Variants in NCOA6 observed in about 807,000 individuals in gnomAD.
NCOA6 encodes NRC RAP250.
NCOA6 carries 49 observed loss-of-function variants against 171.4 expected under a neutral mutation model. That is an observed-to-expected ratio of 0.29 (90% CI 0.23 to 0.36). The LOEUF (loss-of-function observed/expected upper bound fraction) is 0.36, where lower values mean the gene tolerates loss of function less well. Among genes scored for constraint, NCOA6 ranks in the 10% least tolerant of loss-of-function variants. The pLI, the probability that NCOA6 is intolerant of heterozygous loss-of-function variation, is 1.00. For synonymous variants in NCOA6, 910 were observed against 927.5 expected (o/e 0.98, Z 0.34); for missense variants, 2,248 against 2,554.5 (o/e 0.88, Z 2.59).
At chr20:34,746,274 C>A (rs2076299448) in intron 10 of NCOA6, among the ~76,000 whole-genome samples, 1 of 142,920 alleles carries the variant, frequency 7.0e-6, no homozygotes, top group East Asian at 2.0e-4. Context: ...TTTTTTGAGA[C>A]AGGGTCCCAG....
chr20:34,817,107 A>C (rs1398612036), intron 1 of NCOA6, among the ~76,000 whole-genome samples: 1 of 133,570 alleles, frequency 7.5e-6, no homozygotes, highest in Non-Finnish European at 1.7e-5. Flanking sequence ...TGGGCAACAG[A>C]GTGAGACTCC....
intron 1 of NCOA6, among the ~76,000 whole-genome samples, chr20:34,806,976 C>A (rs2078472052): frequency 6.6e-6 from 1 of 152,170 alleles, no homozygotes; most frequent in Admixed American, 6.5e-5. Context: ...ACCAATTACT[C>A]CAGCCTCCTG....
chr20:34,742,134 T>G lies in NCOA6; in HGVS notation c.4122A>C (p.Val1374=), dbSNP rs768128847. 1.2e-5 allele frequency: 19 copies of G among 1,614,058 alleles called. No individual in the cohort carries two copies. Among genetic ancestry groups the G allele is most frequent in the East Asian group, 2.2e-5 (1 of 44,900 alleles). Residue 1374 remains valine (V), a synonymous_variant, in exon 11 of 15, where the codon GTA becomes GTC. Coordinates refer to ENST00000359003, the MANE Select transcript of NCOA6 (RefSeq NM_014071.5). ...LLQNVELPRN[V]LVSPTPLANP... Reference sequence around the variant, plus strand: ...TGGCCAGAGGAGTGGGACTGACCAATACATTTCTCGGCAACTCCACATTCT... The same window carrying G: ...TGGCCAGAGGAGTGGGACTGACCAAGACATTTCTCGGCAACTCCACATTCT...
chr20:34,823,186 C>T (rs937175168), intron 1 of NCOA6, among the ~76,000 whole-genome samples: 2 of 152,004 alleles, frequency 1.3e-5, no homozygotes, highest in African/African-American at 2.4e-5. Context: ...TGAAAGGGGT[C>T]CATGGCACAG....
At chr20:34,791,147 G>A (rs1326792261) in intron 2 of NCOA6, among the ~76,000 whole-genome samples, 2 of 152,156 alleles carry the variant, frequency 1.3e-5, no homozygotes, top group African/African-American at 4.8e-5. Flanking sequence ...AAATGCCACT[G>A]AACTGTTCAC....
chr20:34,727,091 C>G (rs1009026377), intron 14 of NCOA6, among the ~76,000 whole-genome samples, 168 bp downstream of exon 14: 6 of 152,206 alleles, frequency 3.9e-5, no homozygotes, highest in African/African-American at 1.4e-4. Context: ...AGAAAACATA[C>G]AGTTAAATGA....
In NCOA6 at chr20:34,741,826, T is replaced by C. The variant is rs752081379; in HGVS notation, c.4430A>G (p.Lys1477Arg). The C allele has an allele frequency of 1.9e-6, 3 of 1,614,202 alleles. No homozygotes were observed. The highest frequency in any genetic ancestry group is 2.5e-6 in the Non-Finnish European group (3 of 1,180,034). Residue 1477 changes from lysine to arginine, a missense_variant, in exon 11 of 15, where the codon AAA becomes AGA. Transcript: ENST00000359003. ...PNKLPSVEEN[K>R]NLVSPAMREA... ...CCTCATAGCAGGAGACACCAAATTT[T>C]TGTTCTCTTCGACACTGGGAAGTTT...
intron 14 of NCOA6, among the ~76,000 whole-genome samples, chr20:34,718,444 TACC>T (rs1988871603): frequency 6.6e-6 from 1 of 152,208 alleles, no homozygotes. Context: ...TCCAAAATGT[TACC>T]ACTTTTACTA....
At chr20:34,773,056 G>A (rs910656100) in intron 4 of NCOA6, among the ~76,000 whole-genome samples, 4 of 152,100 alleles carry the variant, frequency 2.6e-5, no homozygotes, top group Non-Finnish European at 4.4e-5. Context: ...CACAAACTAC[G>A]TCCTGTGGGC....
chr20:34,722,836 CA>C (rs1228070209), intron 14 of NCOA6, among the ~76,000 whole-genome samples: 1 of 151,466 alleles, frequency 6.6e-6, no homozygotes, highest in Non-Finnish European at 1.5e-5. Context: ...AAAAAATACA[CA>C]CACACCCACA....
At chr20:34,754,900 C>G (rs757255866) in intron 7 of NCOA6, 32 bp from the exon 8 acceptor site, 2 of 1,609,940 alleles carry the variant, frequency 1.2e-6, no homozygotes, top group South Asian at 1.1e-5. Flanking sequence ...AGGCAGTTAC[C>G]TAGCAAATTT....
chr20:34,743,070 G>C lies in NCOA6; in HGVS notation c.3186C>G (p.Asn1062Lys), dbSNP rs370847683. The change falls in exon 11 of 15, where the codon AAC (asparagine) becomes AAG (lysine). Residue 1062 changes from asparagine (N) to lysine (K), a missense_variant. This residue lies in a region of NCOA6 where 352 missense variants were observed against 419.1 expected (regional missense o/e 0.84). Transcript: ENST00000359003. Reference sequence around the variant, plus strand: ...GCATGGGCATTCTCTGGGAGTCGGGGTTCAGGGGGCCCCTTGGAGGATGGA... The same window carrying C: ...GCATGGGCATTCTCTGGGAGTCGGGCTTCAGGGGGCCCCTTGGAGGATGGA... Reference protein sequence around the residue: ...QNVHPPRGPLNPDSQRMPMQQ... With the variant: ...QNVHPPRGPLKPDSQRMPMQQ... 3 of 1,613,758 alleles carry C rather than the reference G, an allele frequency of 1.9e-6. No homozygotes were observed. Among genetic ancestry groups the C allele is most frequent in the Non-Finnish European group, 1.7e-6 (2 of 1,179,736 alleles).
intron 4 of NCOA6, among the ~76,000 whole-genome samples, chr20:34,770,053 T>C (rs984578382): frequency 3.9e-5 from 6 of 152,028 alleles, no homozygotes; most frequent in Admixed American, 1.3e-4. Flanking sequence ...CCTTTTTTTT[T>C]TTTTTGAGAT....
chr20:34,797,844 A>G (rs1688197352), intron 1 of NCOA6, among the ~76,000 whole-genome samples: 1 of 152,110 alleles, frequency 6.6e-6, no homozygotes, highest in African/African-American at 2.4e-5. Context: ...CAGTGAGCCA[A>G]GATCACACCA....
At chr20:34,732,623 G>C in intron 12 of NCOA6, 28 bp from the exon 13 acceptor site, 1 of 1,602,202 alleles carries the variant, frequency 6.2e-7, no homozygotes. Flanking sequence ...GGATAGAAAT[G>C]AAATGTGGGA....
intron 5 of NCOA6, among the ~76,000 whole-genome samples, chr20:34,761,442 C>T (rs915672637): frequency 1.2e-4 from 18 of 150,668 alleles, no homozygotes; most frequent in East Asian, 3.9e-4. Flanking sequence ...TGCATTTTTA[C>T]GTTTCCAAAA....
Position 34,768,388 on chromosome 20 carries a change from TTGCAGGGCTCAAA to T in NCOA6, c.514+63_514+75del, listed in dbSNP as rs1435829806. 4 of 1,569,802 alleles carry T rather than the reference TTGCAGGGCTCAAA, an allele frequency of 2.5e-6. No individual in the cohort carries two copies. In the African/African-American group the frequency reaches 5.5e-5, roughly 21 times the overall value. ...AGTATGCCATGAACCCCCACCTATC[TTGCAGGGCTCAAA>T]TGATCAAATAAGCCAAAAAAGGAAA... is the stretch of plus-strand genomic sequence containing the variant. On this transcript the variant is annotated intron_variant, in intron 5 of 14. Transcript: ENST00000359003.
chr20:34,761,958 G>A (rs1406678937), intron 5 of NCOA6, among the ~76,000 whole-genome samples: 1 of 152,020 alleles, frequency 6.6e-6, no homozygotes, highest in Non-Finnish European at 1.5e-5. Flanking sequence ...CCGGCTGACT[G>A]CATGGTTTCT....
intron 2 of NCOA6, among the ~76,000 whole-genome samples, chr20:34,786,683 A>C (rs2077692205): frequency 6.6e-6 from 1 of 152,256 alleles, no homozygotes; most frequent in East Asian, 1.9e-4. Context: ...CTTGAGTTCT[A>C]ATTTGATTGT....
Sources: gnomAD v4.1 joint callset for allele counts (sites outside exome capture counted in the v4.1 genomes callset) on GRCh38, gnomAD v4.1.1 for gene constraint, gnomAD v4.1.1 regional missense constraint, MANE v1.5 for transcripts, NCBI Gene and HGNC (gene_info 2026-07-23, HGNC 2026-07-21) for gene names.